Variants in RBFOX1 observed in about 807,000 individuals in gnomAD.
RBFOX1 encodes RNA binding protein fox-1 homolog 1.
A neutral mutation model predicts 57.7 loss-of-function variants in RBFOX1; 8 were observed. The ratio of observed to expected loss-of-function variants is 0.14; its 90% CI spans 0.08 to 0.25. The LOEUF (loss-of-function observed/expected upper bound fraction) is 0.25, where lower values mean the gene tolerates loss of function less well. RBFOX1 is among the 10% of genes least tolerant of loss of function. RBFOX1 has a pLI of 1.00. For synonymous variants in RBFOX1, 326 were observed against 222.4 expected, an observed-to-expected ratio of 1.47 and a Z score of -4.15; for missense variants, 611 against 548.5, an observed-to-expected ratio of 1.11 and a Z score of -1.14.
In RBFOX1 at chr16:6,909,570, A is replaced by T. The variant is rs569178427; in HGVS notation, c.-15-142487A>T. On this transcript the variant is annotated intron_variant, in intron 3 of 15. Transcript: ENST00000550418. ...CTCCAGCAAACATGCATTCATATTC[A>T]GGCTCAGCTACCTAGAAGCGAGGGA... Among the ~76,000 whole-genome samples, 13 of 152,326 alleles carry T rather than the reference A, an allele frequency of 8.5e-5. No homozygotes were observed. In the East Asian group the frequency reaches 1.4e-3, roughly 16 times the overall value.
intron 10 of RBFOX1, 43 bp downstream of exon 10, chr16:7,607,381 A>C (rs200692185): frequency 1.3e-6 from 2 of 1,561,616 alleles, no homozygotes; most frequent in African/African-American, 2.7e-5. Context: ...AGTCTTTTCT[A>C]AATGTGCTTT....
chr16:6,387,846 TCAGTC>T (rs1261019074), intron 2 of RBFOX1, among the ~76,000 whole-genome samples: 2 of 152,102 alleles, frequency 1.3e-5, no homozygotes, highest in Non-Finnish European at 2.9e-5. Context: ...TTCGTCTGTC[TCAGTC>T]TACAGGGAAC....
At chr16:7,177,737 G>A (rs1442597493) in intron 4 of RBFOX1, among the ~76,000 whole-genome samples, 2 of 152,162 alleles carry the variant, frequency 1.3e-5, no homozygotes, top group Non-Finnish European at 2.9e-5. Flanking sequence ...AAATATTTTA[G>A]ATTTTGCAGG....
chr16:7,312,601 C>T (rs1251947081), intron 4 of RBFOX1, among the ~76,000 whole-genome samples: 1 of 152,122 alleles, frequency 6.6e-6, no homozygotes, highest in African/African-American at 2.4e-5. Context: ...CTCTTTCTTC[C>T]TCCAGTGAGC....
chr16:6,025,732 A>G (rs1053759009), intron 1 of RBFOX1, among the ~76,000 whole-genome samples: 5 of 152,084 alleles, frequency 3.3e-5, no homozygotes, highest in Non-Finnish European at 7.3e-5. Flanking sequence ...GCTTATGGAG[A>G]GCTCTGAGTG....
intron 3 of RBFOX1, among the ~76,000 whole-genome samples, chr16:5,781,175 A>G (rs982738863): frequency 1.3e-5 from 2 of 152,198 alleles, no homozygotes; most frequent in Non-Finnish European, 2.9e-5. Flanking sequence ...AAGCTAAAAG[A>G]TAGGTGCTTT....
intron 4 of RBFOX1, among the ~76,000 whole-genome samples, chr16:7,517,057 C>G (rs1211113512): frequency 6.6e-6 from 1 of 151,712 alleles, no homozygotes; most frequent in Non-Finnish European, 1.5e-5. Flanking sequence ...AGTTTTTTTC[C>G]TCGCTCTGTC....
chr16:7,577,879 A>G (rs1288417552), intron 5 of RBFOX1, among the ~76,000 whole-genome samples: 2 of 152,232 alleles, frequency 1.3e-5, no homozygotes, highest in East Asian at 1.9e-4. Context: ...TGAGTGACAG[A>G]GCAAGACCCA....
intron 4 of RBFOX1, among the ~76,000 whole-genome samples, chr16:7,329,455 G>T (rs2096655769): frequency 6.6e-6 from 1 of 152,220 alleles, no homozygotes; most frequent in South Asian, 2.1e-4. Flanking sequence ...CGACCTTCTA[G>T]AGGAGGCTCC....
intron 3 of RBFOX1, among the ~76,000 whole-genome samples, chr16:5,840,612 G>C (rs1257363993): frequency 6.6e-6 from 1 of 152,202 alleles, no homozygotes; most frequent in South Asian, 2.1e-4. Flanking sequence ...TGGGATGAGA[G>C]TATGGGCTTC....
At chr16:7,411,334 G>A (rs1037771416) in intron 4 of RBFOX1, among the ~76,000 whole-genome samples, 1 of 152,068 alleles carries the variant, frequency 6.6e-6, no homozygotes, top group Non-Finnish European at 1.5e-5. Context: ...CCTCAGTTTA[G>A]CCACAATTCC....
chr16:7,063,118 T>C (rs930829687), intron 4 of RBFOX1, among the ~76,000 whole-genome samples: 2 of 152,056 alleles, frequency 1.3e-5, no homozygotes, highest in African/African-American at 2.4e-5. Context: ...ACTTTATGTA[T>C]TGACAGCTAA....
At chr16:5,420,166 T>C (rs576286536) in intron 1 of RBFOX1, among the ~76,000 whole-genome samples, 12 of 152,040 alleles carry the variant, frequency 7.9e-5, no homozygotes, top group Admixed American at 2.6e-4. Flanking sequence ...CTGACCAGAG[T>C]CATACCCAAA....
At chr16:6,003,351 C>T (rs1363328178) in intron 4 of RBFOX1, among the ~76,000 whole-genome samples, 2 of 151,830 alleles carry the variant, frequency 1.3e-5, no homozygotes, top group African/African-American at 4.8e-5. Context: ...TCCCTGGTTC[C>T]CTCCTTGTGA....
rs558921968 is a variant in RBFOX1 at position 6,065,312 on chromosome 16, G to C, written c.-127+45320G>C. Among the ~76,000 whole-genome samples the C allele has an allele frequency of 2.0e-5, 3 of 151,958 alleles. No homozygotes were observed. In the East Asian group the frequency reaches 5.8e-4, roughly 30 times the overall value. On this transcript the variant is annotated intron_variant, in intron 1 of 15. Transcript: ENST00000550418. ...GGCCTCCCAAAGTGCTGGGATTACA[G>C]GTGTGAACCACCGCACGCGGCCCTA...
chr16:5,505,884 A>G (rs778233065), intron 2 of RBFOX1, among the ~76,000 whole-genome samples: 17 of 152,048 alleles, frequency 1.1e-4, no homozygotes, highest in Non-Finnish European at 1.9e-4. Context: ...TGACATTTCT[A>G]CCAGCAAACA....
At position 7,630,753 on chromosome 16, in the gene RBFOX1, T is replaced by C. The variant is rs2060817762; in HGVS notation, c.757+70T>C. 21 of 1,594,468 alleles carry C rather than the reference T, an allele frequency of 1.3e-5. No homozygotes were observed. In the South Asian group the frequency reaches 2.0e-4, roughly 16 times the overall value. ...GAGTCCAATCACCTTCCCTGCCATG[T>C]AAGTTCTCTCCCCCTCCCTCTGCCC... On this transcript the variant is annotated intron_variant, in intron 11 of 15. Coordinates refer to ENST00000550418, the MANE Select transcript of RBFOX1 (RefSeq NM_018723.4).
At chr16:7,445,834 C>T (rs924134319) in intron 4 of RBFOX1, among the ~76,000 whole-genome samples, 1 of 152,134 alleles carries the variant, frequency 6.6e-6, no homozygotes, top group Admixed American at 6.5e-5. Flanking sequence ...ACCTTTATCT[C>T]AATATTTGCT....
intron 3 of RBFOX1, among the ~76,000 whole-genome samples, chr16:5,663,397 G>T (rs1293833439): frequency 6.6e-6 from 1 of 150,886 alleles, no homozygotes; most frequent in African/African-American, 2.4e-5. Context: ...TAGAAATGGG[G>T]TCTCACTATG....
Sources: allele counts gnomAD v4.1 joint callset (sites outside exome capture counted in the v4.1 genomes callset), GRCh38; gene constraint gnomAD v4.1.1; transcripts MANE v1.5; gene names NCBI Gene and HGNC (gene_info 2026-07-23, HGNC 2026-07-21).